The following ZNF567 variants were observed in gnomAD, a reference collection of about 807,000 sequenced individuals.
ZNF567 encodes the protein zinc finger protein 567.
In ZNF567, 36 loss-of-function variants were observed where a neutral mutation model predicts 53.9. The ratio of observed to expected loss-of-function variants is 0.67; its 90% CI spans 0.51 to 0.88. The LOEUF is 0.88. ZNF567 is among the 40% of genes least tolerant of loss of function. The pLI, the probability that ZNF567 is intolerant of heterozygous loss-of-function variation, is 0.00. For synonymous variants in ZNF567, 224 were observed against 260.4 expected, an observed-to-expected ratio of 0.86 and a Z score of 1.35; for missense variants, 619 against 764.7, an observed-to-expected ratio of 0.81 and a Z score of 2.25.
chr19:36,709,723 C>T (rs1425859157), intron 3 of ZNF567, among the ~76,000 whole-genome samples: 1 of 152,160 alleles, frequency 6.6e-6, no homozygotes, highest in African/African-American at 2.4e-5. Flanking sequence ...CTCAGCCCTC[C>T]AAAGTGCCCA....
At chr19:36,687,427 C>A (rs1024551723), upstream of ZNF567, 1 of 152,504 alleles carries the variant, frequency 6.6e-6, no homozygotes, top group Non-Finnish European at 1.5e-5. Flanking sequence ...ATCCCAGCCA[C>A]GCACTATGAG....
chr19:36,702,485 G>A (rs1041754895), intron 3 of ZNF567, among the ~76,000 whole-genome samples: 1 of 151,822 alleles, frequency 6.6e-6, no homozygotes, highest in Non-Finnish European at 1.5e-5. Context: ...TTGCTAGATT[G>A]GGGAAGTTCT....
rs138651052 is a variant in ZNF567 at position 36,716,111 on chromosome 19, C to CT, written c.224-2828dup. Reference sequence around the variant, plus strand: ...CACAAAATATACCATCAGTTTTTCCCTTTTTTTTTATCATTTATTCTATGA... The same window carrying CT: ...CACAAAATATACCATCAGTTTTTCCCTTTTTTTTTTATCATTTATTCTATGA... On this transcript the variant is annotated intron_variant, in intron 5 of 5. Transcript: ENST00000682579. 0.032 allele frequency among the ~76,000 whole-genome samples: 4,870 copies of CT among 151,138 alleles called. 512 individuals carry two copies. In the East Asian group the frequency reaches 0.39, roughly 12 times the overall value.
the ZNF567 span, among the ~76,000 whole-genome samples, chr19:36,670,823 C>T: frequency 4.6e-5 from 7 of 152,208 alleles, no homozygotes; most frequent in East Asian, 3.9e-4. Flanking sequence ...TGCACTGGGC[C>T]GGGCGTGGTG....
chr19:36,693,392 G>A (rs971355869), intron 2 of ZNF567, among the ~76,000 whole-genome samples: 9 of 152,136 alleles, frequency 5.9e-5, no homozygotes, highest in Admixed American at 3.3e-4. Context: ...TGAGGAAGTC[G>A]AGGCTGCAGT....
At chr19:36,686,243 T>C (rs1486072347), upstream of ZNF567, among the ~76,000 whole-genome samples, 1 of 152,176 alleles carries the variant, frequency 6.6e-6, no homozygotes, top group Non-Finnish European at 1.5e-5. Flanking sequence ...AAAACTTCCT[T>C]GACCTTGGTT....
At chr19:36,676,055 CTTTTTTTTTTT>C in the ZNF567 span, among the ~76,000 whole-genome samples, 11 of 60,618 alleles carry the variant, frequency 1.8e-4, no homozygotes, top group South Asian at 5.3e-4. Context: ...TATTCTACAC[CTTTTTTTTTTT>C]TTTTTTTTTT....
intron 3 of ZNF567, among the ~76,000 whole-genome samples, chr19:36,700,654 A>G (rs2039130821): frequency 2.0e-5 from 3 of 151,886 alleles, no homozygotes; most frequent in South Asian, 4.2e-4. Context: ...GTCTTGGGAG[A>G]GTGTATGTGT....
At chr19:36,707,398 T>C (rs902297554) in intron 3 of ZNF567, among the ~76,000 whole-genome samples, 1 of 152,210 alleles carries the variant, frequency 6.6e-6, no homozygotes, top group Admixed American at 6.5e-5. Flanking sequence ...CTCTTCAAGT[T>C]CACTGATCTT....
At chr19:36,688,964 T>C (rs1004226104) in intron 1 of ZNF567, among the ~76,000 whole-genome samples, 1 of 152,016 alleles carries the variant, frequency 6.6e-6, no homozygotes, top group Non-Finnish European at 1.5e-5. Flanking sequence ...CTGGGCATGA[T>C]GGCGCATGCC....
At chr19:36,695,696 TAA>T (rs35481709) in intron 3 of ZNF567, among the ~76,000 whole-genome samples, 5 of 144,950 alleles carry the variant, frequency 3.4e-5, no homozygotes, top group Admixed American at 1.4e-4. Context: ...CTCTCTTTAT[TAA>T]AAAAAAAAAA....
At chr19:36,695,255 G>A (rs1297087084) in intron 3 of ZNF567, among the ~76,000 whole-genome samples, 6 of 151,376 alleles carry the variant, frequency 4.0e-5, no homozygotes, top group Middle Eastern at 3.4e-3. Context: ...TAGGCCAGGC[G>A]CGGTGGCTCA....
the ZNF567 span, chr19:36,668,597 A>T: frequency 6.6e-6 from 1 of 152,200 alleles, no homozygotes; most frequent in Admixed American, 6.5e-5. Context: ...CCTTAGATGT[A>T]TGCATAGGAG....
chr19:36,682,295 A>C, the ZNF567 span, among the ~76,000 whole-genome samples: 1 of 151,854 alleles, frequency 6.6e-6, no homozygotes, highest in Non-Finnish European at 1.5e-5. Flanking sequence ...AAAAAAAAAA[A>C]AAAAAAAGGT....
At chr19:36,679,810 A>G in the ZNF567 span, among the ~76,000 whole-genome samples, 2 of 152,064 alleles carry the variant, frequency 1.3e-5, no homozygotes, top group African/African-American at 4.8e-5. Flanking sequence ...GAGGGTGGTT[A>G]CCAAAGGTTG....
rs1422674979 is a variant in ZNF567, at chr19:36,701,643, CTCT to C, written c.9+6772_9+6774del. Among the ~76,000 whole-genome samples, 13 of 150,972 alleles carry C rather than the reference CTCT, an allele frequency of 8.6e-5. No individual in the cohort carries two copies. In the East Asian group the frequency reaches 2.1e-3, roughly 25 times the overall value. On this transcript the variant is annotated intron_variant, in intron 3 of 5. Coordinates refer to ENST00000682579, the MANE Select transcript of ZNF567 (RefSeq NM_001322917.1). ...GTGCATATATATTTAGGATAGTTAG[CTCT>C]TCTTGTTGAATTGATCCCTTTACCA...
chr19:36,677,588 G>A, the ZNF567 span, among the ~76,000 whole-genome samples: 19 of 150,282 alleles, frequency 1.3e-4, no homozygotes, highest in East Asian at 6.0e-4. Context: ...CCAACATGTC[G>A]AAACCCCATC....
At chr19:36,718,855 C>G in intron 5 of ZNF567, 93 bp from the exon 6 acceptor site, 1 of 1,058,038 alleles carries the variant, frequency 9.5e-7, no homozygotes, top group Non-Finnish European at 1.3e-6. Context: ...TTCTGAGTCT[C>G]TTTTTGCGCC....
At chr19:36,706,924 G>A (rs2039527490) in intron 3 of ZNF567, among the ~76,000 whole-genome samples, 1 of 151,856 alleles carries the variant, frequency 6.6e-6, no homozygotes, top group South Asian at 2.1e-4. Flanking sequence ...CAAAGTGCTG[G>A]GATTATAGGT....
Sources: allele counts gnomAD v4.1 joint callset (sites outside exome capture counted in the v4.1 genomes callset), GRCh38; gene constraint gnomAD v4.1.1; transcripts MANE v1.5; gene names NCBI Gene and HGNC (gene_info 2026-07-23, HGNC 2026-07-21).